Variants in WWP2 observed in about 807,000 individuals in gnomAD.
The protein encoded by WWP2 is NEDD4-like E3 ubiquitin-protein ligase WWP2.
In WWP2, 57 loss-of-function variants were observed where a neutral mutation model predicts 121.0. That is an observed-to-expected ratio of 0.47 (90% CI 0.38 to 0.59). WWP2 has a LOEUF of 0.59. WWP2 is among the 20% of genes least tolerant of loss of function. The probability of loss-of-function intolerance (pLI) is 0.00; values close to 1 mark genes in which losing one functional copy is unlikely to be tolerated. For missense variants in WWP2, 962 were observed against 1,158.9 expected, an observed-to-expected ratio of 0.83 and a Z score of 2.47; for synonymous variants, 449 against 441.3, an observed-to-expected ratio of 1.02 and a Z score of -0.22.
At chr16:69,790,147 T>G (rs2055877847) in intron 2 of WWP2, among the ~76,000 whole-genome samples, 1 of 152,154 alleles carries the variant, frequency 6.6e-6, no homozygotes, top group Admixed American at 6.6e-5. Context: ...CTTGGGAGGC[T>G]GAGGCAGGGG....
intron 15 of WWP2, 103 bp downstream of exon 15, chr16:69,931,683 G>A: frequency 6.3e-7 from 1 of 1,578,552 alleles, no homozygotes; most frequent in Middle Eastern, 1.7e-4. Flanking sequence ...GACTTTCCAG[G>A]GCGTGAGTCT....
intron 4 of WWP2, among the ~76,000 whole-genome samples, chr16:69,832,429 G>T (rs949641713): frequency 2.0e-5 from 3 of 152,124 alleles, no homozygotes; most frequent in African/African-American, 7.2e-5. Flanking sequence ...CCCAACCCAT[G>T]ATGCCAATTT....
intron 8 of WWP2, among the ~76,000 whole-genome samples, chr16:69,903,625 A>T (rs1241183742): frequency 6.6e-6 from 1 of 152,068 alleles, no homozygotes; most frequent in Non-Finnish European, 1.5e-5. Context: ...AAAATTAGCC[A>T]GGTGTGGTGG....
intron 6 of WWP2, among the ~76,000 whole-genome samples, chr16:69,869,532 G>A (rs2057593359): frequency 6.6e-6 from 1 of 151,924 alleles, no homozygotes; most frequent in Non-Finnish European, 1.5e-5. Context: ...TTTTGCTAGA[G>A]ATGAGGTCTC....
intron 19 of WWP2, 179 bp downstream of exon 19, chr16:69,936,631 G>A (rs1215781512): frequency 1.5e-5 from 12 of 799,518 alleles, no homozygotes; most frequent in East Asian, 8.2e-5. Flanking sequence ...AACCAAAGCC[G>A]AGGTCCTTAG....
rs117637107 is a variant in WWP2, at chr16:69,936,391, G to C, written c.2056G>C (p.Glu686Gln). ...GATACTGGGCAAGGTGACGACCCAC[G>C]AGCTGAAGGAGGGCGGCGAGAGCAT... The part of the protein sequence containing the change: ...MEILGKVTTH[E>Q]LKEGGESIRV... The change falls in exon 19 of 24, where the codon GAG becomes CAG. Residue 686 changes from glutamate to glutamine, a missense_variant. Transcript: ENST00000359154. 3.1e-4 allele frequency: 507 copies of C among 1,614,074 alleles called. 7 individuals carry two copies. In the East Asian group the frequency reaches 9.6e-3, roughly 31 times the overall value.
intron 2 of WWP2, among the ~76,000 whole-genome samples, chr16:69,796,042 G>T (rs2056035179): frequency 6.6e-6 from 1 of 151,470 alleles, no homozygotes; most frequent in Admixed American, 6.6e-5. Flanking sequence ...GCGATGATGG[G>T]CATCGATAGG....
chr16:69,799,453 CT>C lies in WWP2; in HGVS notation c.340+159del. 18 of 980,716 alleles carry C rather than the reference CT, an allele frequency of 1.8e-5. No homozygotes were observed. The highest frequency in any genetic ancestry group is 2.5e-5 in the Non-Finnish European group (17 of 690,198). 60.8% of individuals were successfully genotyped at this position (980,716 alleles called of 1,614,324 possible). ...GGAGTTTTGGGAAGGCTGAGGGCTCCTCTCTGCCTCCACTACAGAGTTTAGC... is the reference window on the plus strand; with the variant it reads ...GGAGTTTTGGGAAGGCTGAGGGCTCCCTCTGCCTCCACTACAGAGTTTAGC... On this transcript the variant is annotated intron_variant, in intron 4 of 23. Transcript: ENST00000359154. This position sits in a 1 kb window ranked among gnomAD's most constrained non-coding sequence, Gnocchi z 4.5.
intron 6 of WWP2, among the ~76,000 whole-genome samples, chr16:69,861,430 C>T (rs1312527316): frequency 1.3e-5 from 2 of 152,082 alleles, no homozygotes; most frequent in Non-Finnish European, 2.9e-5. Flanking sequence ...CTAGGGTGCG[C>T]AAAAGGAAAT....
intron 9 of WWP2, among the ~76,000 whole-genome samples, chr16:69,914,285 G>A (rs2058447072): frequency 6.6e-6 from 1 of 151,898 alleles, no homozygotes; most frequent in Admixed American, 6.6e-5. Flanking sequence ...CTCACCACAC[G>A]CCTAGCCCAG....
intron 8 of WWP2, among the ~76,000 whole-genome samples, chr16:69,891,799 C>A (rs2058032910): frequency 6.6e-6 from 1 of 152,150 alleles, no homozygotes; most frequent in African/African-American, 2.4e-5. Flanking sequence ...TCATCTTACC[C>A]ATCCCATCCG....
At chr16:69,831,827 C>CTTTTTT (rs548609220) in intron 4 of WWP2, among the ~76,000 whole-genome samples, 8 of 109,068 alleles carry the variant, frequency 7.3e-5, no homozygotes, top group Non-Finnish European at 1.2e-4. Flanking sequence ...AAAACAAAAC[C>CTTTTTT]TTTTTTTTTT....
chr16:69,863,869 C>T (rs767368639), intron 6 of WWP2, among the ~76,000 whole-genome samples: 3 of 152,162 alleles, frequency 2.0e-5, no homozygotes, highest in Non-Finnish European at 4.4e-5. Context: ...TGTGATTCAC[C>T]TCTGTTGCTG....
rs1038124893 is a variant in WWP2, at chr16:69,798,615, T to C, written c.71-67T>C. On this transcript the variant is annotated intron_variant, in intron 2 of 23. Transcript: ENST00000359154. ...GCAATAACTAAAAAGAGCCGGAACATCTGCCACAGGGGGGCATCTGGGAGC... is the reference window on the plus strand; with the variant it reads ...GCAATAACTAAAAAGAGCCGGAACACCTGCCACAGGGGGGCATCTGGGAGC... 14 of 1,519,122 alleles carry C rather than the reference T, an allele frequency of 9.2e-6. No individual in the cohort carries two copies. The African/African-American group carries it at 1.2e-4, about 14-fold the overall frequency. The allele number at this position is 1,519,122 out of a possible 1,614,324, so 94.1% of individuals were successfully genotyped here.
At chr16:69,892,170 A>T (rs2058038999) in intron 8 of WWP2, among the ~76,000 whole-genome samples, 1 of 151,536 alleles carries the variant, frequency 6.6e-6, no homozygotes, top group Admixed American at 6.6e-5. Flanking sequence ...TCTTTTTTTT[A>T]ATTTAAAATT....
Position 69,935,066 on chromosome 16 carries a change from G to T in WWP2, c.1843-787G>T, listed in dbSNP as rs1025004339. Among the ~76,000 whole-genome samples the T allele has an allele frequency of 2.0e-5, 3 of 152,196 alleles. No homozygotes were observed. The highest frequency in any genetic ancestry group is 2.9e-5 in the Non-Finnish European group (2 of 68,018). ...AAAGGGAGGTCCTGCCACGTGCCCC[G>T]TTGAGGGTCCTGGGAGCGTGGAGAA... On this transcript the variant is annotated intron_variant, in intron 17 of 23. Coordinates refer to ENST00000359154, the MANE Select transcript of WWP2 (RefSeq NM_001270454.2). This position sits in a 1 kb window ranked among gnomAD's most constrained non-coding sequence, Gnocchi z 5.2.
At chr16:69,858,459 C>G (rs2057358382) in intron 6 of WWP2, among the ~76,000 whole-genome samples, 1 of 152,168 alleles carries the variant, frequency 6.6e-6, no homozygotes, top group African/African-American at 2.4e-5. Context: ...TTTACGTTCC[C>G]TGGCGCCTTG....
chr16:69,801,962 C>T (rs924157207), intron 4 of WWP2, among the ~76,000 whole-genome samples: 4 of 151,514 alleles, frequency 2.6e-5, no homozygotes, highest in Admixed American at 2.6e-4. Context: ...CGGAGTCTTG[C>T]CCTGTTGCCC....
Position 69,937,305 on chromosome 16 carries a change from T to C in WWP2, c.2238+67T>C. The C allele has an allele frequency of 2.5e-6, 4 of 1,589,604 alleles. No homozygotes were observed. The highest frequency in any genetic ancestry group is 3.4e-6 in the Non-Finnish European group (4 of 1,167,692). The stretch of plus-strand genomic sequence containing the variant: ...GGGGCGATCCTGCTCTGTGATACGC[T>C]CACTGTGTACCCACAGACACTCAGC... On this transcript the variant is annotated intron_variant, in intron 20 of 23. Coordinates refer to ENST00000359154, the MANE Select transcript of WWP2 (RefSeq NM_001270454.2). The surrounding 1 kb of genome is among the most constrained non-coding windows in gnomAD (Gnocchi z 6.6).
Sources: gnomAD v4.1 joint callset for allele counts (sites outside exome capture counted in the v4.1 genomes callset) on GRCh38, gnomAD v4.1.1 for gene constraint, Gnocchi (gnomAD v3.1) non-coding constraint, MANE v1.5 for transcripts, NCBI Gene and HGNC (gene_info 2026-07-23, HGNC 2026-07-21) for gene names.